Variants in RNF144B observed in about 807,000 individuals in gnomAD.
RNF144B encodes the protein E3 ubiquitin-protein ligase RNF144B.
In RNF144B, 25 loss-of-function variants were observed where a neutral mutation model predicts 40.2. The observed-to-expected ratio is 0.62, with a 90% confidence interval of 0.45 to 0.87. RNF144B has a LOEUF of 0.87. RNF144B is among the 40% of genes least tolerant of loss of function. The pLI is 0.00. For synonymous variants in RNF144B, 145 were observed against 136.3 expected, an observed-to-expected ratio of 1.06 and a Z score of -0.44; for missense variants, 365 against 373.7, an observed-to-expected ratio of 0.98 and a Z score of 0.19.
In RNF144B at chr6:18,395,399, G is replaced by T. The variant is rs993471884; in HGVS notation, c.-36-4100G>T. On this transcript the variant is annotated intron_variant, in intron 1 of 7. Coordinates refer to ENST00000259939, the MANE Select transcript of RNF144B (RefSeq NM_182757.4). The surrounding 1 kb of genome is among the most constrained non-coding windows in gnomAD (Gnocchi z 4.5). ...GCTCTACTATTGGGGGTTTCATGCT[G>T]TGAAGACCGGTGAATAGTAATATGA... Among the ~76,000 whole-genome samples, 1 of 152,108 alleles carries T rather than the reference G, an allele frequency of 6.6e-6. No individual in the cohort carries two copies. The highest frequency in any genetic ancestry group is 1.5e-5 in the Non-Finnish European group (1 of 68,018).
rs58124564 is a variant in RNF144B, at chr6:18,406,457, AGTGTGTGTGTGTGTGTGTGTGT to A, written c.165+6781_165+6802del. 1.5e-5 allele frequency among the ~76,000 whole-genome samples: 2 copies of A among 130,944 alleles called. No homozygotes were observed. Among genetic ancestry groups the A allele is most frequent in the Non-Finnish European group, 3.2e-5 (2 of 61,858 alleles). 85.9% of individuals were successfully genotyped at this position (130,944 alleles called of 152,430 possible). A position where few individuals can be genotyped will look rare whatever the true frequency, so the allele number is the denominator to read the frequency against. ...CAAAGGAGGCTGGTGTGGCTGGAAA[AGTGTGTGTGTGTGTGTGTGTGT>A]GTGTGTGTGTGTGTGTGTGTGTAGG... is the stretch of plus-strand genomic sequence containing the variant. On this transcript the variant is annotated intron_variant, in intron 2 of 7. Coordinates refer to ENST00000259939, the MANE Select transcript of RNF144B (RefSeq NM_182757.4). This position sits in a 1 kb window ranked among gnomAD's most constrained non-coding sequence, Gnocchi z 4.2.
At position 18,411,795 on chromosome 6, in the gene RNF144B, A is replaced by G. The variant is rs565681406; in HGVS notation, c.165+12096A>G. Among the ~76,000 whole-genome samples, 12 of 152,198 alleles carry G rather than the reference A, an allele frequency of 7.9e-5. No homozygotes were observed. In the South Asian group the frequency reaches 2.5e-3, roughly 32 times the overall value. ...AGGCGTGAGCCACCACGCCCAGCCCACCTGTACTTTCTTCTAGACTCTTTC... is the reference window on the plus strand; with the variant it reads ...AGGCGTGAGCCACCACGCCCAGCCCGCCTGTACTTTCTTCTAGACTCTTTC... On this transcript the variant is annotated intron_variant, in intron 2 of 7. Transcript: ENST00000259939.
At chr6:18,401,095 G>C (rs1336423036) in intron 2 of RNF144B, among the ~76,000 whole-genome samples, 3 of 152,004 alleles carry the variant, frequency 2.0e-5, no homozygotes, top group Non-Finnish European at 4.4e-5. Flanking sequence ...GCAACATGTG[G>C]TGAAAATCAG....
intron 3 of RNF144B, among the ~76,000 whole-genome samples, chr6:18,433,430 A>G (rs1758741006): frequency 6.6e-6 from 1 of 152,226 alleles, no homozygotes; most frequent in Non-Finnish European, 1.5e-5. Flanking sequence ...ATGTACTTAA[A>G]ACTGTATAAG....
chr6:18,391,164 C>G (rs1029081560), intron 1 of RNF144B, among the ~76,000 whole-genome samples: 1 of 152,196 alleles, frequency 6.6e-6, no homozygotes, highest in Admixed American at 6.5e-5. Context: ...AGAAATCAGC[C>G]TGGCTCTTGC....
intron 7 of RNF144B, among the ~76,000 whole-genome samples, chr6:18,463,716 G>T (rs1452149170): frequency 1.3e-5 from 2 of 152,180 alleles, no homozygotes; most frequent in Non-Finnish European, 2.9e-5. Flanking sequence ...CCTATCAAAG[G>T]CAGTGTATTA....
At position 18,464,948 on chromosome 6, in the gene RNF144B, T is replaced by C; in HGVS notation, c.793T>C (p.Leu265=). The part of the protein sequence containing the change: ...RTQVVGILVG[L]GIIALVTSPL... ...CCAGGTGGTGGGGATTCTCGTAGGCTTGGGCATCATTGCCTTGGTTACTTC... is the reference window on the plus strand; with the variant it reads ...CCAGGTGGTGGGGATTCTCGTAGGCCTGGGCATCATTGCCTTGGTTACTTC... Residue 265 remains leucine, a synonymous_variant, in exon 8 of 8, where the codon TTG becomes CTG. Coordinates refer to ENST00000259939, the MANE Select transcript of RNF144B (RefSeq NM_182757.4). This position sits in a 1 kb window ranked among gnomAD's most constrained non-coding sequence, Gnocchi z 6.1. 6.2e-7 allele frequency: 1 copy of C among 1,614,052 alleles called. No individual in the cohort carries two copies. Among genetic ancestry groups the C allele is most frequent in the Non-Finnish European group, 8.5e-7 (1 of 1,179,942 alleles).
rs760489132 is a variant in RNF144B, at chr6:18,465,180, G to A, written c.*113G>A. 34 of 1,097,860 alleles carry A rather than the reference G, an allele frequency of 3.1e-5. No homozygotes were observed. The highest frequency in any genetic ancestry group is 3.9e-5 in the Non-Finnish European group (30 of 761,866). 68.0% of individuals were successfully genotyped at this position (1,097,860 alleles called of 1,614,324 possible). ...CCTTGCCAACTTTGAAAGTGCCTCC[G>A]TGTCCAGACTTTGAACTTGCCTGCC... On this transcript the variant is annotated 3_prime_UTR_variant, in exon 8 of 8. Coordinates refer to ENST00000259939, the MANE Select transcript of RNF144B (RefSeq NM_182757.4).
Position 18,425,001 on chromosome 6 carries a change from G to T in RNF144B, c.166-2580G>T, listed in dbSNP as rs1301410632. On this transcript the variant is annotated intron_variant, in intron 2 of 7. Transcript: ENST00000259939. The surrounding 1 kb of genome is among the most constrained non-coding windows in gnomAD (Gnocchi z 4.2). ...AACATGACCTATTATTCTGTAATTT[G>T]CAAATTCATGAAGGGCTTCCATATA... Among the ~76,000 whole-genome samples the T allele has an allele frequency of 1.3e-5, 2 of 152,136 alleles. No homozygotes were observed. The highest frequency in any genetic ancestry group is 3.8e-4 in the East Asian group (2 of 5,198).
At position 18,406,472 on chromosome 6, in the gene RNF144B, G is replaced by GTA. The variant is rs1405513253; in HGVS notation, c.165+6774_165+6775insAT. ...TGGCTGGAAAAGTGTGTGTGTGTGT[G>GTA]TGTGTGTGTGTGTGTGTGTGTGTGT... is the stretch of plus-strand genomic sequence containing the variant. On this transcript the variant is annotated intron_variant, in intron 2 of 7. Coordinates refer to ENST00000259939, the MANE Select transcript of RNF144B (RefSeq NM_182757.4). The surrounding 1 kb of genome is among the most constrained non-coding windows in gnomAD (Gnocchi z 4.2). Among the ~76,000 whole-genome samples the GTA allele has an allele frequency of 1.4e-5, 2 of 147,756 alleles. No individual in the cohort carries two copies. Among genetic ancestry groups the GTA allele is most frequent in the Non-Finnish European group, 3.0e-5 (2 of 66,958 alleles).
chr6:18,421,270 T>TCA (rs1562047348), intron 2 of RNF144B, among the ~76,000 whole-genome samples: 2 of 80,276 alleles, frequency 2.5e-5, no homozygotes, highest in Non-Finnish European at 4.7e-5. Flanking sequence ...AAATTATATA[T>TCA]TATACACACA....
intron 3 of RNF144B, among the ~76,000 whole-genome samples, chr6:18,428,493 C>CT (rs201060474): frequency 0.034 from 5,120 of 151,330 alleles, 148 homozygotes; most frequent in Non-Finnish European, 0.046. Flanking sequence ...AAATCTTTTT[C>CT]TTTTTTTTTC....
At chr6:18,463,600 A>C (rs1024177486) in intron 7 of RNF144B, among the ~76,000 whole-genome samples, 2 of 152,216 alleles carry the variant, frequency 1.3e-5, no homozygotes, top group African/African-American at 4.8e-5. Flanking sequence ...AAACAGGGGC[A>C]CCAGAGCTGC....
intron 4 of RNF144B, among the ~76,000 whole-genome samples, chr6:18,440,639 A>G (rs1451344374): frequency 6.6e-6 from 1 of 150,738 alleles, no homozygotes; most frequent in Admixed American, 6.7e-5. Context: ...AACTACCCTG[A>G]AAAATAATTC....
At chr6:18,408,379 C>G (rs1794959322) in intron 2 of RNF144B, among the ~76,000 whole-genome samples, 1 of 152,144 alleles carries the variant, frequency 6.6e-6, no homozygotes, top group African/African-American at 2.4e-5. Flanking sequence ...AAATTGTTTT[C>G]CTATGGGAGG....
At chr6:18,413,965 T>C (rs2113481131) in intron 2 of RNF144B, among the ~76,000 whole-genome samples, 1 of 152,242 alleles carries the variant, frequency 6.6e-6, no homozygotes, top group Non-Finnish European at 1.5e-5. Context: ...TGTCAATTAA[T>C]ATGAAAAAAG....
At chr6:18,390,873 C>T (rs1352748952) in intron 1 of RNF144B, among the ~76,000 whole-genome samples, 1 of 152,118 alleles carries the variant, frequency 6.6e-6, no homozygotes, top group Non-Finnish European at 1.5e-5. Context: ...AGAATTTGTT[C>T]TTTGTGTGTT....
intron 2 of RNF144B, among the ~76,000 whole-genome samples, chr6:18,408,951 T>G (rs201353604): frequency 8.4e-6 from 1 of 118,422 alleles, no homozygotes; most frequent in African/African-American, 3.0e-5. Context: ...TTTTTTTTTT[T>G]TTTTTCTCTG....
chr6:18,467,281 A>C lies in RNF144B; in HGVS notation c.*2214A>C, dbSNP rs1279085312. Reference sequence around the variant, plus strand: ...AAGTAACCTAAAAGACTGTGTTATCAGAGGAAGAGGTCCCAAATTTGGAGT... The same window carrying C: ...AAGTAACCTAAAAGACTGTGTTATCCGAGGAAGAGGTCCCAAATTTGGAGT... On this transcript the variant is annotated 3_prime_UTR_variant, in exon 8 of 8. Transcript: ENST00000259939. The C allele has an allele frequency of 6.6e-6, 1 of 152,564 alleles. No homozygotes were observed. Among genetic ancestry groups the C allele is most frequent in the Non-Finnish European group, 1.5e-5 (1 of 68,030 alleles). The allele number at this position is 152,564 out of a possible 1,614,324, so 9.5% of individuals were successfully genotyped here. A position where few individuals can be genotyped will look rare whatever the true frequency, so the allele number is the denominator to read the frequency against.
Sources: allele counts gnomAD v4.1 joint callset (sites outside exome capture counted in the v4.1 genomes callset), GRCh38; gene constraint gnomAD v4.1.1; non-coding constraint Gnocchi (gnomAD v3.1); transcripts MANE v1.5; gene names NCBI Gene and HGNC (gene_info 2026-07-23, HGNC 2026-07-21).